The following CCDC91 variants were observed in gnomAD, a reference collection of about 807,000 sequenced individuals.
CCDC91 encodes coiled-coil domain-containing protein 91.
A neutral mutation model predicts 63.2 loss-of-function variants in CCDC91; 48 were observed. The ratio of observed to expected loss-of-function variants is 0.76; its 90% CI spans 0.60 to 0.97. The LOEUF is 0.97. CCDC91 is among the 50% of genes least tolerant of loss of function. CCDC91 has a pLI of 0.00. For synonymous variants in CCDC91, 167 were observed against 165.8 expected (o/e 1.01, Z -0.06); for missense variants, 500 against 494.6 (o/e 1.01, Z -0.10).
intron 12 of CCDC91, among the ~76,000 whole-genome samples, chr12:28,527,604 A>AGC (rs1244606690): frequency 6.9e-6 from 1 of 145,644 alleles, no homozygotes; most frequent in Admixed American, 6.8e-5. Flanking sequence ...CTTGCAAGAG[A>AGC]GCATCAGCTA....
intron 11 of CCDC91, among the ~76,000 whole-genome samples, chr12:28,473,598 C>G (rs1263792749): frequency 6.6e-6 from 1 of 151,984 alleles, no homozygotes; most frequent in Non-Finnish European, 1.5e-5. Context: ...GAAAAGTTTC[C>G]TACCTATAGT....
chr12:28,275,257 A>C (rs1322346107), intron 3 of CCDC91, among the ~76,000 whole-genome samples: 3 of 152,144 alleles, frequency 2.0e-5, no homozygotes, highest in Non-Finnish European at 4.4e-5. Flanking sequence ...AGAAGAATCA[A>C]ATAGATGCAA....
At chr12:28,478,121 C>T (rs894187557) in intron 11 of CCDC91, among the ~76,000 whole-genome samples, 2 of 152,052 alleles carry the variant, frequency 1.3e-5, no homozygotes, top group Non-Finnish European at 2.9e-5. Flanking sequence ...CTTTAAAGTT[C>T]ATATGGAACC....
At chr12:28,449,895 A>G (rs770879062) in intron 8 of CCDC91, among the ~76,000 whole-genome samples, 1 of 151,932 alleles carries the variant, frequency 6.6e-6, no homozygotes. Context: ...TTTTCTGATT[A>G]ATTTTTCAAT....
chr12:28,257,819 T>C (rs562493534), intron 2 of CCDC91, among the ~76,000 whole-genome samples: 3 of 152,214 alleles, frequency 2.0e-5, no homozygotes, highest in African/African-American at 7.2e-5. Context: ...TGAAATATTT[T>C]ATAACCCAGT....
At chr12:28,510,419 G>A (rs1421549197) in intron 12 of CCDC91, among the ~76,000 whole-genome samples, 3 of 151,824 alleles carry the variant, frequency 2.0e-5, no homozygotes, top group Non-Finnish European at 4.4e-5. Context: ...CTAAAAGCTG[G>A]AAGATTGAAA....
At chr12:28,462,888 G>A (rs1950374767) in intron 11 of CCDC91, among the ~76,000 whole-genome samples, 1 of 152,106 alleles carries the variant, frequency 6.6e-6, no homozygotes, top group South Asian at 2.1e-4. Context: ...TTTCAGGAAA[G>A]GCTCCTAGAG....
In CCDC91 at chr12:28,377,779, C is replaced by CA. The variant is rs746506352; in HGVS notation, c.655-13524dup. 4.6e-5 allele frequency among the ~76,000 whole-genome samples: 7 copies of CA among 152,054 alleles called. No homozygotes were observed. In the South Asian group the frequency reaches 1.5e-3, roughly 32 times the overall value. On this transcript the variant is annotated intron_variant, in intron 7 of 12. Transcript: ENST00000536442. ...GATATTGCCACTACAGCTAGACATA[C>CA]AGACACACAAACTCATTTTGCATTT...
intron 3 of CCDC91, among the ~76,000 whole-genome samples, chr12:28,273,174 C>CT (rs917758516): frequency 6.0e-4 from 92 of 152,072 alleles, no homozygotes; most frequent in African/African-American, 1.9e-3. Flanking sequence ...TGAACTCATC[C>CT]TTTTTTATGG....
chr12:28,418,902 G>A (rs968439696), intron 8 of CCDC91, among the ~76,000 whole-genome samples: 1 of 151,972 alleles, frequency 6.6e-6, no homozygotes, highest in Non-Finnish European at 1.5e-5. Flanking sequence ...ACAAGATAAA[G>A]GCAAGTCAAA....
intron 11 of CCDC91, among the ~76,000 whole-genome samples, chr12:28,464,054 G>A (rs1045829687): frequency 3.9e-5 from 6 of 152,078 alleles, no homozygotes; most frequent in Non-Finnish European, 7.4e-5. Context: ...CCAGCAATTG[G>A]GAGGCATTGA....
intron 6 of CCDC91, among the ~76,000 whole-genome samples, chr12:28,329,266 C>T (rs903984626): frequency 6.6e-6 from 1 of 152,012 alleles, no homozygotes; most frequent in African/African-American, 2.4e-5. Flanking sequence ...AGTCTATGTC[C>T]TTTGGTTGAC....
chr12:28,339,804 G>C (rs999098835), intron 6 of CCDC91, among the ~76,000 whole-genome samples: 1 of 152,134 alleles, frequency 6.6e-6, no homozygotes, highest in African/African-American at 2.4e-5. Context: ...ACTTGAGCTA[G>C]AATGCCCAGG....
chr12:28,527,524 C>T (rs1319755412), intron 12 of CCDC91, among the ~76,000 whole-genome samples: 1 of 152,138 alleles, frequency 6.6e-6, no homozygotes, highest in East Asian at 1.9e-4. Flanking sequence ...GTGAAATGGA[C>T]TCTGAGTGTT....
Position 28,318,708 on chromosome 12 carries a change from A to G in CCDC91, c.576+10959A>G, listed in dbSNP as rs552308542. Among the ~76,000 whole-genome samples, 17 of 152,128 alleles carry G rather than the reference A, an allele frequency of 1.1e-4. 1 individual carries two copies. Among genetic ancestry groups the G allele is most frequent in the South Asian group, 6.2e-4 (3 of 4,826 alleles). The stretch of plus-strand genomic sequence containing the variant: ...TGCTGGCTTTTATTTTAAAGGGCTT[A>G]TGTCATTTTCTTATCCCTGTTCTAA... On this transcript the variant is annotated intron_variant, in intron 6 of 12. Coordinates refer to ENST00000536442, the MANE Select transcript of CCDC91 (RefSeq NM_018318.5).
At chr12:28,364,336 C>T (rs548903525) in intron 7 of CCDC91, among the ~76,000 whole-genome samples, 5 of 151,990 alleles carry the variant, frequency 3.3e-5, no homozygotes, top group South Asian at 4.2e-4. Flanking sequence ...TGCAGTGAGC[C>T]GAGATTGCGC....
chr12:28,355,142 G>GT (rs1478642997), intron 6 of CCDC91, among the ~76,000 whole-genome samples: 1 of 151,382 alleles, frequency 6.6e-6, no homozygotes, highest in Non-Finnish European at 1.5e-5. Context: ...GCCTGAGTTA[G>GT]TTTTGAGCAT....
At chr12:28,492,457 A>G (rs978353559) in intron 12 of CCDC91, among the ~76,000 whole-genome samples, 6 of 151,752 alleles carry the variant, frequency 4.0e-5, no homozygotes, top group Non-Finnish European at 5.9e-5. Context: ...ATCAGATGGT[A>G]GAAATTATGG....
At chr12:28,268,800 A>G (rs1947539445) in intron 3 of CCDC91, 1 of 383,290 alleles carries the variant, frequency 2.6e-6, no homozygotes. Flanking sequence ...TGAGACTAAG[A>G]AAAATTTTTG....
Sources: allele counts gnomAD v4.1 joint callset (sites outside exome capture counted in the v4.1 genomes callset), GRCh38; gene constraint gnomAD v4.1.1; transcripts MANE v1.5; gene names NCBI Gene and HGNC (gene_info 2026-07-23, HGNC 2026-07-21).